The following NME7 variants were observed in gnomAD, a reference collection of about 807,000 sequenced individuals.
NME7 encodes nucleoside diphosphate kinase 7.
A neutral mutation model predicts 49.1 loss-of-function variants in NME7; 41 were observed. The ratio of observed to expected loss-of-function variants is 0.83; its 90% CI spans 0.65 to 1.08. NME7 has a LOEUF of 1.08. Ranked by LOEUF, NME7 falls within the 50% of genes least tolerant of loss-of-function variation. NME7 has a pLI of 0.00. For missense variants in NME7, 423 were observed against 463.4 expected (o/e 0.91, Z 0.80); for synonymous variants, 139 against 150.6 (o/e 0.92, Z 0.56).
chr1:169,134,427 C>A lies in NME7; in HGVS notation c.1099-1610G>T, dbSNP rs142025518. Reference sequence around the variant, plus strand: ...AAATGGGTTTTCACACAAGTCCTGTCAAATACTTAATTCCTTACACAATAT... The same window carrying A: ...AAATGGGTTTTCACACAAGTCCTGTAAAATACTTAATTCCTTACACAATAT... On this transcript the variant is annotated intron_variant, in intron 11 of 11. Transcript: ENST00000367811. 5.4e-3 allele frequency among the ~76,000 whole-genome samples: 820 copies of A among 152,264 alleles called. 32 individuals carry two copies. The highest frequency in any genetic ancestry group is 0.048 in the Admixed American group (734 of 15,304).
chr1:169,331,219 A>T (rs1300872288), intron 1 of NME7, among the ~76,000 whole-genome samples: 1 of 152,170 alleles, frequency 6.6e-6, no homozygotes, highest in Non-Finnish European at 1.5e-5. Flanking sequence ...AAAACCATAC[A>T]ATCATGTCCA....
intron 11 of NME7, among the ~76,000 whole-genome samples, chr1:169,134,495 G>T (rs1158045541): frequency 6.6e-6 from 1 of 152,100 alleles, no homozygotes; most frequent in Non-Finnish European, 1.5e-5. Flanking sequence ...TACTTGGAAT[G>T]AAAAGCATTT....
chr1:169,233,798 T>C (rs772867698), intron 9 of NME7, among the ~76,000 whole-genome samples: 1 of 152,158 alleles, frequency 6.6e-6, no homozygotes, highest in Admixed American at 6.6e-5. Context: ...TACACACAAA[T>C]GTCAAAGCCA....
chr1:169,261,667 T>C lies in NME7; in HGVS notation c.755-23980A>G, dbSNP rs546730956. Among the ~76,000 whole-genome samples, 20 of 133,956 alleles carry C rather than the reference T, an allele frequency of 1.5e-4. 5 individuals carry two copies. Among genetic ancestry groups the C allele is most frequent in the Admixed American group, 5.9e-4 (8 of 13,612 alleles). 87.9% of individuals were successfully genotyped at this position (133,956 alleles called of 152,430 possible). On this transcript the variant is annotated intron_variant, in intron 7 of 11. Coordinates refer to ENST00000367811, the MANE Select transcript of NME7 (RefSeq NM_013330.5). Reference sequence around the variant, plus strand: ...CTTTTATAAGGCTTGACTCTGATGATGGCAGATTACTAAAGGAAATGCAAG... The same window carrying C: ...CTTTTATAAGGCTTGACTCTGATGACGGCAGATTACTAAAGGAAATGCAAG...
intron 1 of NME7, among the ~76,000 whole-genome samples, chr1:169,342,858 TATACAAGTACATATATATAGTATATATAC>T (rs1652803609): frequency 1.0e-4 from 10 of 96,088 alleles, no homozygotes; most frequent in Non-Finnish European, 1.5e-4. Flanking sequence ...AGTATATATA[TATACAAGTACATATATATAGTATATATAC>T]ATATATACAA....
chr1:169,136,700 T>C (rs1003052189), intron 11 of NME7, among the ~76,000 whole-genome samples: 12 of 152,222 alleles, frequency 7.9e-5, no homozygotes, highest in African/African-American at 2.9e-4. Flanking sequence ...TAAGATTAAG[T>C]TGAAGGCTCG....
In NME7 at chr1:169,298,575, G is replaced by A; in HGVS notation, c.629C>T (p.Ser210Phe). 3 of 1,613,814 alleles carry A rather than the reference G, an allele frequency of 1.9e-6. No individual in the cohort carries two copies. The East Asian group carries it at 6.7e-5, about 36-fold the overall frequency. ...CCTTACTCTGGCCGCAGAAGCAAAA[G>A]AATCAGGGCCATGCGCTGCATTTCT... ...GIRNAAHGPDSFASAAREMEL... is the reference protein window; with the variant it reads ...GIRNAAHGPDFFASAAREMEL... The change falls in exon 6 of 12, where the codon TCT becomes TTT. Residue 210 changes from serine to phenylalanine, a missense_variant. Coordinates refer to ENST00000367811, the MANE Select transcript of NME7 (RefSeq NM_013330.5).
intron 7 of NME7, among the ~76,000 whole-genome samples, chr1:169,252,170 C>A (rs1224838895): frequency 1.3e-5 from 2 of 150,962 alleles, no homozygotes; most frequent in East Asian, 3.9e-4. Context: ...AGTTTACAGT[C>A]CCACCAACAG....
At position 169,266,097 on chromosome 1, in the gene NME7, T is replaced by C. The variant is rs949896516; in HGVS notation, c.754+21206A>G. ...CAAAAAATTGAGGAGGAGGGAATCCTCCTCAACTCATTCTATGAGGCCATC... is the reference window on the plus strand; with the variant it reads ...CAAAAAATTGAGGAGGAGGGAATCCCCCTCAACTCATTCTATGAGGCCATC... On this transcript the variant is annotated intron_variant, in intron 7 of 11. Transcript: ENST00000367811. Among the ~76,000 whole-genome samples the C allele has an allele frequency of 6.8e-5, 9 of 132,394 alleles. 4 individuals are homozygous for C. Among genetic ancestry groups the C allele is most frequent in the Non-Finnish European group, 1.6e-4 (9 of 56,376 alleles). 86.9% of individuals were successfully genotyped at this position (132,394 alleles called of 152,430 possible).
intron 11 of NME7, among the ~76,000 whole-genome samples, chr1:169,156,208 G>A (rs1268796664): frequency 6.6e-6 from 1 of 151,510 alleles, no homozygotes; most frequent in Non-Finnish European, 1.5e-5. Context: ...AGCTGCTAGG[G>A]AGGCTGAGGA....
intron 7 of NME7, among the ~76,000 whole-genome samples, chr1:169,249,524 T>C (rs1648471556): frequency 1.3e-5 from 2 of 152,150 alleles, no homozygotes; most frequent in Admixed American, 6.6e-5. Flanking sequence ...CTATGCTGAA[T>C]AGAAGTGGTG....
chr1:169,146,921 A>G (rs1401222563), intron 11 of NME7, among the ~76,000 whole-genome samples: 1 of 152,254 alleles, frequency 6.6e-6, no homozygotes, highest in African/African-American at 2.4e-5. Flanking sequence ...CATATGACAC[A>G]TTATTATTAG....
At chr1:169,135,041 A>AAAAAAAAT (rs1658388986) in intron 11 of NME7, among the ~76,000 whole-genome samples, 5 of 147,536 alleles carry the variant, frequency 3.4e-5, no homozygotes, top group Non-Finnish European at 7.5e-5. Context: ...AAAAAAAAAA[A>AAAAAAAAT]TAGCCGAGCA....
Position 169,315,283 on chromosome 1 carries a change from G to A in NME7, c.279-5203C>T, listed in dbSNP as rs1398050051. On this transcript the variant is annotated intron_variant, in intron 3 of 11. Transcript: ENST00000367811. The stretch of plus-strand genomic sequence containing the variant: ...TTCTTTTTTTTTTTTCTTTTTTTTT[G>A]AGATGGAGTCTCGCTGTGTCACCCA... Among the ~76,000 whole-genome samples, 19 of 94,994 alleles carry A rather than the reference G, an allele frequency of 2.0e-4. No individual in the cohort carries two copies. The Admixed American group carries it at 2.4e-3, about 12-fold the overall frequency. The allele number at this position is 94,994 out of a possible 152,430, so 62.3% of individuals were successfully genotyped here.
chr1:169,352,497 G>T (rs1411008759), intron 1 of NME7, among the ~76,000 whole-genome samples: 1 of 152,050 alleles, frequency 6.6e-6, no homozygotes, highest in African/African-American at 2.4e-5. Context: ...AAAACTGAAA[G>T]CATTTCCTCT....
At chr1:169,300,528 C>T (rs750121641) in intron 5 of NME7, among the ~76,000 whole-genome samples, 1 of 152,028 alleles carries the variant, frequency 6.6e-6, no homozygotes, top group African/African-American at 2.4e-5. Context: ...AAAATATTCA[C>T]TTAAATTTAA....
At chr1:169,228,041 TACACACACACACAC>T (rs72257273) in intron 10 of NME7, among the ~76,000 whole-genome samples, 2 of 147,044 alleles carry the variant, frequency 1.4e-5, no homozygotes, top group Non-Finnish European at 3.0e-5. Flanking sequence ...TATGTGTGTA[TACACACACACACAC>T]ACACACACAC....
chr1:169,283,564 GT>G (rs1432189617), intron 7 of NME7, among the ~76,000 whole-genome samples: 2 of 152,102 alleles, frequency 1.3e-5, no homozygotes, highest in African/African-American at 4.8e-5. Context: ...AATTTGGTAT[GT>G]TTTTGCAGTG....
chr1:169,367,561 C>A (rs1653923348), intron 1 of NME7, 147 bp downstream of exon 1: 2 of 857,864 alleles, frequency 2.3e-6, no homozygotes, highest in Admixed American at 3.5e-5. Flanking sequence ...GAGGAGACTG[C>A]AGGAACAGCC....
Sources: allele counts gnomAD v4.1 joint callset (sites outside exome capture counted in the v4.1 genomes callset), GRCh38; gene constraint gnomAD v4.1.1; transcripts MANE v1.5; gene names NCBI Gene and HGNC (gene_info 2026-07-23, HGNC 2026-07-21).